The following TMEM263 variants were observed in gnomAD, a reference collection of about 807,000 sequenced individuals.
TMEM263 encodes the protein UPF0444 transmembrane protein C12orf23.
Under a neutral mutation model 8.6 loss-of-function variants are expected in TMEM263, and 5 were observed. That is an observed-to-expected ratio of 0.58 (90% CI 0.31 to 1.23). The LOEUF is 1.23. Among genes scored for constraint, TMEM263 ranks in the 50% most tolerant of loss-of-function variants. The pLI, the probability that TMEM263 is intolerant of heterozygous loss-of-function variation, is 0.07. For synonymous variants in TMEM263, 50 were observed against 47.9 expected, an observed-to-expected ratio of 1.04 and a Z score of -0.18; for missense variants, 104 against 138.8, an observed-to-expected ratio of 0.75 and a Z score of 1.26.
intron 2 of TMEM263, among the ~76,000 whole-genome samples, chr12:106,961,711 TGAA>T (rs1462992671): frequency 1.3e-5 from 2 of 152,246 alleles, no homozygotes; most frequent in Non-Finnish European, 2.9e-5. Context: ...TAGTTACCTC[TGAA>T]GAAATTTCTT....
At chr12:106,957,804 A>G (rs560910908) in intron 2 of TMEM263, among the ~76,000 whole-genome samples, 1 of 152,362 alleles carries the variant, frequency 6.6e-6, no homozygotes, top group African/African-American at 2.4e-5. Context: ...TTTTACTGGC[A>G]GATGACCTTT....
Position 106,972,956 on chromosome 12 carries a change from A to G in TMEM263, c.*1565A>G, listed in dbSNP as rs1279452189. Reference sequence around the variant, plus strand: ...TAGCATGCCTGAAAATTTGAAACAGACCATTCTAACACCCAAGGCTTGTTT... The same window carrying G: ...TAGCATGCCTGAAAATTTGAAACAGGCCATTCTAACACCCAAGGCTTGTTT... On this transcript the variant is annotated 3_prime_UTR_variant, in exon 4 of 4. Coordinates refer to ENST00000280756, the MANE Select transcript of TMEM263 (RefSeq NM_152261.4). The G allele has an allele frequency of 6.6e-6, 1 of 151,330 alleles. No individual in the cohort carries two copies. Among genetic ancestry groups the G allele is most frequent in the Non-Finnish European group, 1.5e-5 (1 of 67,830 alleles). The allele number at this position is 151,330 out of a possible 1,614,324, so 9.4% of individuals were successfully genotyped here.
At chr12:106,963,274 A>G (rs1951802503) in intron 2 of TMEM263, among the ~76,000 whole-genome samples, 1 of 152,228 alleles carries the variant, frequency 6.6e-6, no homozygotes, top group African/African-American at 2.4e-5. Flanking sequence ...TAAACAGAGT[A>G]TGACACGACT....
chr12:106,959,023 C>T (rs565756134), intron 2 of TMEM263, among the ~76,000 whole-genome samples: 6 of 152,164 alleles, frequency 3.9e-5, no homozygotes, highest in Middle Eastern at 3.2e-3. Flanking sequence ...TGGCAAGTGC[C>T]GGAAAAGTCT....
At position 106,973,319 on chromosome 12, in the gene TMEM263, A is replaced by T. The variant is rs571065849; in HGVS notation, c.*1928A>T. On this transcript the variant is annotated 3_prime_UTR_variant, in exon 4 of 4. Coordinates refer to ENST00000280756, the MANE Select transcript of TMEM263 (RefSeq NM_152261.4). ...ACTTGTTTCCTGCTATTTGGAAGAG[A>T]TTGTTGCTTCATTGCTAGTTTGTAT... 15 of 152,366 alleles carry T rather than the reference A, an allele frequency of 9.8e-5. No homozygotes were observed. The highest frequency in any genetic ancestry group is 3.4e-4 in the African/African-American group (14 of 41,490). 9.4% of individuals were successfully genotyped at this position (152,366 alleles called of 1,614,324 possible).
At position 106,969,725 on chromosome 12, in the gene TMEM263, C is replaced by CA. The variant is rs61146766; in HGVS notation, c.65-1363dup. ...TGGGTGACAGAGCAAGACTCTGTCT[C>CA]AAAAAAAAAAAAAAAAATATTAGAT... is the stretch of plus-strand genomic sequence containing the variant. On this transcript the variant is annotated intron_variant, in intron 3 of 3. Coordinates refer to ENST00000280756, the MANE Select transcript of TMEM263 (RefSeq NM_152261.4). Among the ~76,000 whole-genome samples, 414 of 93,032 alleles carry CA rather than the reference C, an allele frequency of 4.5e-3. 1 individual carries two copies. Among genetic ancestry groups the CA allele is most frequent in the Middle Eastern group, 0.013 (2 of 152 alleles). The allele number at this position is 93,032 out of a possible 152,430, so 61.0% of individuals were successfully genotyped here.
chr12:106,971,294 G>A lies in TMEM263; in HGVS notation c.254G>A (p.Gly85Glu), dbSNP rs762998222. ...TCCATGGGAATAGGGCTGGTGAAAG[G>A]GGGTGTCTCTGCTGTGGCTGGAGGT... Reference protein sequence around the residue: ...VPSMGIGLVKGGVSAVAGGVT... With the variant: ...VPSMGIGLVKEGVSAVAGGVT... Residue 85 changes from glycine (G) to glutamate (E), a missense_variant, in exon 4 of 4, where the codon GGG becomes GAG. Coordinates refer to ENST00000280756, the MANE Select transcript of TMEM263 (RefSeq NM_152261.4). 2 of 1,614,200 alleles carry A rather than the reference G, an allele frequency of 1.2e-6. No homozygotes were observed. Among genetic ancestry groups the A allele is most frequent in the Non-Finnish European group, 1.7e-6 (2 of 1,180,036 alleles).
chr12:106,968,605 A>G (rs1201138807), intron 3 of TMEM263, among the ~76,000 whole-genome samples: 4 of 152,264 alleles, frequency 2.6e-5, no homozygotes, highest in Non-Finnish European at 5.9e-5. Flanking sequence ...GGAAGAGAAC[A>G]AAGCAGAATG....
rs1449540461 is a variant in TMEM263, at chr12:106,972,580, GTT to G, written c.*1191_*1192del. ...TACAGTCCTTTAAAGCAGCCATAGA[GTT>G]TGTATCATTTTTCAAGCCAATTTCA... On this transcript the variant is annotated 3_prime_UTR_variant, in exon 4 of 4. Transcript: ENST00000280756. 6.6e-6 allele frequency: 1 copy of G among 152,042 alleles called. No individual in the cohort carries two copies. The highest frequency in any genetic ancestry group is 1.5e-5 in the Non-Finnish European group (1 of 67,960). The allele number at this position is 152,042 out of a possible 1,614,324, so 9.4% of individuals were successfully genotyped here. A position where few individuals can be genotyped will look rare whatever the true frequency, so the allele number is the denominator to read the frequency against.
At chr12:106,967,056 G>T (rs1314380720) in intron 2 of TMEM263, 55 bp from the exon 3 acceptor site, 1 of 1,113,820 alleles carries the variant, frequency 9.0e-7, no homozygotes, top group East Asian at 2.4e-5. Flanking sequence ...TGTGATAAGA[G>T]GTAGTCTCAC....
chr12:106,956,134 C>G (rs1235974750), intron 1 of TMEM263, 69 bp downstream of exon 1: 2 of 837,710 alleles, frequency 2.4e-6, no homozygotes, highest in Non-Finnish European at 2.9e-6. Context: ...CGCCCTCTGC[C>G]GTCGGCGCCC....
chr12:106,969,876 T>TA (rs571459566), intron 3 of TMEM263, among the ~76,000 whole-genome samples: 2,983 of 145,324 alleles, frequency 0.021, 99 homozygotes, highest in African/African-American at 0.069. Flanking sequence ...TGGCTCTATT[T>TA]AAAAAAAAAA....
Position 106,958,479 on chromosome 12 carries a change from C to G in TMEM263, c.-7+1330C>G, listed in dbSNP as rs189788017. Among the ~76,000 whole-genome samples, 3 of 152,274 alleles carry G rather than the reference C, an allele frequency of 2.0e-5. No homozygotes were observed. The East Asian group carries it at 5.8e-4, about 29-fold the overall frequency. ...CCTTGCTCAGTGTATTTGCCAGCTG[C>G]TAAATCTATGTGATACTATTGTACT... On this transcript the variant is annotated intron_variant, in intron 2 of 3. Coordinates refer to ENST00000280756, the MANE Select transcript of TMEM263 (RefSeq NM_152261.4).
chr12:106,957,332 G>C (rs1259552984), intron 2 of TMEM263, among the ~76,000 whole-genome samples, 183 bp downstream of exon 2: 1 of 152,160 alleles, frequency 6.6e-6, no homozygotes, highest in Non-Finnish European at 1.5e-5. Context: ...GTCTTTGTTA[G>C]AACAGATGTA....
At chr12:106,960,052 TGA>T (rs1281091130) in intron 2 of TMEM263, among the ~76,000 whole-genome samples, 1 of 152,168 alleles carries the variant, frequency 6.6e-6, no homozygotes, top group Non-Finnish European at 1.5e-5. Flanking sequence ...CTTTTTTTTT[TGA>T]GATGGAGTTC....
chr12:106,968,069 T>G (rs1410425692), intron 3 of TMEM263, among the ~76,000 whole-genome samples: 1 of 152,162 alleles, frequency 6.6e-6, no homozygotes, highest in Non-Finnish European at 1.5e-5. Context: ...TAGAGGCATG[T>G]TTTTGGTATA....
intron 1 of TMEM263, 91 bp from the exon 2 acceptor site, chr12:106,956,991 T>G: frequency 1.2e-6 from 1 of 805,628 alleles, no homozygotes; most frequent in South Asian, 5.6e-5. Flanking sequence ...GAAGGGTTCT[T>G]AATTTGATTT....
At chr12:106,966,692 C>T (rs1253343730) in intron 2 of TMEM263, among the ~76,000 whole-genome samples, 1 of 149,336 alleles carries the variant, frequency 6.7e-6, no homozygotes, top group Non-Finnish European at 1.5e-5. Context: ...TTTTTTAGTT[C>T]TGGTATACTT....
chr12:106,957,568 A>G (rs1381555291), intron 2 of TMEM263, among the ~76,000 whole-genome samples: 1 of 152,150 alleles, frequency 6.6e-6, no homozygotes, highest in Non-Finnish European at 1.5e-5. Context: ...ACATCTTGAG[A>G]ATAAGACCTT....
Sources: allele counts gnomAD v4.1 joint callset (sites outside exome capture counted in the v4.1 genomes callset), GRCh38; gene constraint gnomAD v4.1.1; transcripts MANE v1.5; gene names NCBI Gene and HGNC (gene_info 2026-07-23, HGNC 2026-07-21).